The following KCNQ5 variants were observed in gnomAD, a reference collection of about 807,000 sequenced individuals.
KCNQ5 encodes the protein potassium voltage-gated channel subfamily Q member 5.
KCNQ5 carries 30 observed loss-of-function variants against 98.2 expected under a neutral mutation model. The observed-to-expected ratio is 0.31, with a 90% CI of 0.23 to 0.41. The LOEUF (loss-of-function observed/expected upper bound fraction) is 0.41, where lower values mean the gene tolerates loss of function less well. KCNQ5 is among the 10% of genes least tolerant of loss of function. The probability of loss-of-function intolerance (pLI) is 1.00; values close to 1 mark genes in which losing one functional copy is unlikely to be tolerated. For missense variants in KCNQ5, 835 were observed against 1,182.5 expected, an observed-to-expected ratio of 0.71 and a Z score of 4.31; for synonymous variants, 458 against 449.4, an observed-to-expected ratio of 1.02 and a Z score of -0.24.
intron 11 of KCNQ5, among the ~76,000 whole-genome samples, chr6:73,178,235 C>G (rs978990027): frequency 6.7e-6 from 1 of 149,660 alleles, no homozygotes; most frequent in African/African-American, 2.5e-5. Flanking sequence ...TTCTTCGGAT[C>G]TGGAAGTTCT....
At chr6:72,885,016 G>A (rs1417771568) in intron 1 of KCNQ5, among the ~76,000 whole-genome samples, 2 of 152,106 alleles carry the variant, frequency 1.3e-5, no homozygotes, top group East Asian at 1.9e-4. Context: ...CTCAGCCTCA[G>A]TTACCCTATC....
intron 1 of KCNQ5, among the ~76,000 whole-genome samples, chr6:72,952,280 G>C (rs1191699110): frequency 1.3e-5 from 2 of 152,172 alleles, no homozygotes; most frequent in Non-Finnish European, 2.9e-5. Flanking sequence ...ACACTTGGTA[G>C]TTTCTCCCTT....
chr6:72,646,360 T>G (rs1225690205), intron 1 of KCNQ5, among the ~76,000 whole-genome samples: 1 of 152,150 alleles, frequency 6.6e-6, no homozygotes, highest in East Asian at 1.9e-4. Context: ...GAGTTTATTT[T>G]AAAAATAAAT....
At chr6:72,656,890 C>T (rs1766225708) in intron 1 of KCNQ5, among the ~76,000 whole-genome samples, 1 of 152,076 alleles carries the variant, frequency 6.6e-6, no homozygotes, top group South Asian at 2.1e-4. Context: ...CACCATTTAA[C>T]AAATTATTTT....
intron 1 of KCNQ5, among the ~76,000 whole-genome samples, chr6:72,870,623 G>A (rs535443319): frequency 6.3e-4 from 96 of 151,968 alleles, no homozygotes; most frequent in African/African-American, 1.9e-3. Context: ...CAATAAATTC[G>A]GCATCTTTAT....
intron 1 of KCNQ5, among the ~76,000 whole-genome samples, chr6:72,732,860 G>A (rs749919827): frequency 5.9e-5 from 9 of 152,290 alleles, no homozygotes; most frequent in Non-Finnish European, 1.0e-4. Context: ...CGGGAGAAGG[G>A]GAAAGAAACT....
intron 1 of KCNQ5, among the ~76,000 whole-genome samples, chr6:72,671,089 C>T (rs1445675077): frequency 6.6e-6 from 1 of 152,138 alleles, no homozygotes; most frequent in Non-Finnish European, 1.5e-5. Flanking sequence ...ACCTTTAACG[C>T]CCGTATTTCT....
intron 1 of KCNQ5, among the ~76,000 whole-genome samples, chr6:72,643,594 G>C (rs186179352): frequency 1.5e-4 from 23 of 152,188 alleles, no homozygotes; most frequent in Admixed American, 1.4e-3. Context: ...TCAGATTTTG[G>C]ATTTTGGATT....
At chr6:72,957,315 C>T (rs141497477) in intron 1 of KCNQ5, among the ~76,000 whole-genome samples, 88 of 151,790 alleles carry the variant, frequency 5.8e-4, no homozygotes, top group African/African-American at 2.0e-3. Context: ...GGATTACAGG[C>T]GCGCACCACC....
At chr6:73,026,391 A>G (rs1164330438) in intron 2 of KCNQ5, among the ~76,000 whole-genome samples, 1 of 152,084 alleles carries the variant, frequency 6.6e-6, no homozygotes, top group Non-Finnish European at 1.5e-5. Context: ...GAGTTTTTGC[A>G]CCAACTGATC....
At chr6:72,973,036 C>G (rs142671961) in intron 1 of KCNQ5, among the ~76,000 whole-genome samples, 1 of 152,254 alleles carries the variant, frequency 6.6e-6, no homozygotes. Context: ...ACCAAATCTC[C>G]CTGGTTCACT....
chr6:72,958,892 T>G (rs986147677), intron 1 of KCNQ5, among the ~76,000 whole-genome samples: 16 of 152,226 alleles, frequency 1.1e-4, no homozygotes, highest in African/African-American at 3.1e-4. Flanking sequence ...CCAGGATCTA[T>G]TTCACTAACA....
intron 1 of KCNQ5, among the ~76,000 whole-genome samples, chr6:72,898,327 C>A (rs934004861): frequency 1.4e-4 from 21 of 152,130 alleles, no homozygotes; most frequent in African/African-American, 5.1e-4. Context: ...CCTCGCCACT[C>A]CCCACCCCCG....
intron 1 of KCNQ5, among the ~76,000 whole-genome samples, chr6:72,769,841 C>T (rs1016679528): frequency 6.6e-6 from 1 of 152,076 alleles, no homozygotes; most frequent in Admixed American, 6.6e-5. Flanking sequence ...ATAAAAAGTT[C>T]ATCAGGCTTT....
intron 1 of KCNQ5, among the ~76,000 whole-genome samples, chr6:72,799,674 A>G (rs1443145759): frequency 6.6e-6 from 1 of 152,190 alleles, no homozygotes; most frequent in East Asian, 1.9e-4. Context: ...TGTGAAATGA[A>G]TACGATGGAG....
chr6:73,053,040 G>C (rs1323598345), intron 3 of KCNQ5, among the ~76,000 whole-genome samples: 6 of 152,096 alleles, frequency 3.9e-5, no homozygotes, highest in Non-Finnish European at 8.8e-5. Context: ...CAAACTAAAG[G>C]GATGGAGAAA....
intron 1 of KCNQ5, among the ~76,000 whole-genome samples, chr6:72,828,192 G>A (rs1037941251): frequency 5.9e-5 from 9 of 152,066 alleles, no homozygotes; most frequent in Admixed American, 2.0e-4. Context: ...TTTTTGCTCA[G>A]GATTGCTTTG....
chr6:73,067,806 T>A (rs1361894052), intron 3 of KCNQ5, among the ~76,000 whole-genome samples: 1 of 151,952 alleles, frequency 6.6e-6, no homozygotes. Flanking sequence ...AAGTTATGGT[T>A]CTCTTTTTTC....
chr6:73,023,652 A>C (rs1304442075), intron 2 of KCNQ5, among the ~76,000 whole-genome samples: 1 of 152,208 alleles, frequency 6.6e-6, no homozygotes, highest in Non-Finnish European at 1.5e-5. Context: ...CCTTCCCAGG[A>C]CATGGCCTAA....
Sources: allele counts gnomAD v4.1 joint callset (sites outside exome capture counted in the v4.1 genomes callset), GRCh38; gene constraint gnomAD v4.1.1; transcripts MANE v1.5; gene names NCBI Gene and HGNC (gene_info 2026-07-23, HGNC 2026-07-21).